SPAG16: variants seen among roughly 807,000 people sequenced by gnomAD.
SPAG16 encodes sperm associated antigen 16, also known as sperm-associated antigen 16 protein.
A neutral mutation model predicts 80.4 loss-of-function variants in SPAG16; 86 were observed. That is an observed-to-expected ratio of 1.07 (90% CI 0.90 to 1.28). The LOEUF (loss-of-function observed/expected upper bound fraction) is 1.28, where lower values mean the gene tolerates loss of function less well. Among genes scored for constraint, SPAG16 ranks in the 50% most tolerant of loss-of-function variants. SPAG16 has a pLI of 0.00. For synonymous variants in SPAG16, 294 were observed against 265.9 expected (o/e 1.11, Z -1.03); for missense variants, 870 against 765.3 (o/e 1.14, Z -1.61).
chr2:214,184,997 G>T (rs978862910), intron 15 of SPAG16, among the ~76,000 whole-genome samples: 3 of 151,800 alleles, frequency 2.0e-5, no homozygotes, highest in African/African-American at 7.3e-5. Context: ...TAGCAGCTGG[G>T]CCTTTTAGGA....
At chr2:213,999,853 T>G (rs2046704094) in intron 12 of SPAG16, among the ~76,000 whole-genome samples, 1 of 152,226 alleles carries the variant, frequency 6.6e-6, no homozygotes, top group Non-Finnish European at 1.5e-5. Context: ...GATTTCAGAC[T>G]TGCATGGGCC....
At chr2:213,980,712 G>GTATATA (rs1553686607) in intron 12 of SPAG16, among the ~76,000 whole-genome samples, 25 of 113,996 alleles carry the variant, frequency 2.2e-4, no homozygotes, top group Admixed American at 4.9e-4. Context: ...GTGTGTGTGT[G>GTATATA]TATATATATA....
intron 13 of SPAG16, among the ~76,000 whole-genome samples, chr2:214,043,921 C>T (rs1360684755): frequency 6.6e-6 from 1 of 151,852 alleles, no homozygotes; most frequent in African/African-American, 2.4e-5. Flanking sequence ...CCATATAAGT[C>T]CCTTATTATT....
intron 10 of SPAG16, among the ~76,000 whole-genome samples, chr2:213,836,320 T>C (rs2074078613): frequency 6.6e-6 from 1 of 152,116 alleles, no homozygotes; most frequent in South Asian, 2.1e-4. Context: ...TTTTACAAAG[T>C]TTTAAACTAA....
chr2:213,404,680 A>G (rs1036513567), intron 9 of SPAG16, among the ~76,000 whole-genome samples: 2 of 152,248 alleles, frequency 1.3e-5, no homozygotes, highest in Non-Finnish European at 2.9e-5. Context: ...ACCAAAAGCA[A>G]TGGCAACAAA....
At chr2:213,318,475 G>A (rs554260616) in intron 5 of SPAG16, among the ~76,000 whole-genome samples, 1 of 151,998 alleles carries the variant, frequency 6.6e-6, no homozygotes, top group Non-Finnish European at 1.5e-5. Context: ...ATATAGAATG[G>A]AATAATAGAT....
intron 12 of SPAG16, among the ~76,000 whole-genome samples, chr2:213,939,603 C>A (rs1274264174): frequency 6.6e-6 from 1 of 152,122 alleles, no homozygotes; most frequent in Non-Finnish European, 1.5e-5. Context: ...CATTAGGATT[C>A]TTTTCAGGTA....
At chr2:213,938,531 ATATT>A (rs2079077659) in intron 12 of SPAG16, among the ~76,000 whole-genome samples, 1 of 152,008 alleles carries the variant, frequency 6.6e-6, no homozygotes, top group African/African-American at 2.4e-5. Context: ...TTCAATCAAA[ATATT>A]TATTTATGTG....
chr2:213,980,016 C>T (rs1031935169), intron 12 of SPAG16, among the ~76,000 whole-genome samples: 2 of 151,654 alleles, frequency 1.3e-5, no homozygotes, highest in Admixed American at 6.6e-5. Flanking sequence ...ACATGTATGG[C>T]ATTGCCTATA....
intron 14 of SPAG16, among the ~76,000 whole-genome samples, chr2:214,139,151 G>A (rs1440951258): frequency 6.6e-6 from 1 of 151,996 alleles, no homozygotes; most frequent in Admixed American, 6.6e-5. Context: ...TTTATTTCTT[G>A]TATTTCTTTT....
At chr2:214,365,746 G>A (rs1157374171) in intron 15 of SPAG16, among the ~76,000 whole-genome samples, 4 of 151,968 alleles carry the variant, frequency 2.6e-5, no homozygotes, top group Admixed American at 2.6e-4. Context: ...AGGGTTGTAG[G>A]GAGAGATGAC....
chr2:213,713,050 C>T lies in SPAG16; in HGVS notation c.1071-149435C>T, dbSNP rs145436198. Among the ~76,000 whole-genome samples, 83 of 152,172 alleles carry T rather than the reference C, an allele frequency of 5.5e-4. 1 individual carries two copies. In the East Asian group the frequency reaches 8.9e-3, roughly 16 times the overall value. ...AGGGCGGCAGGAGAGAGAATGAGTG[C>T]CGAGCGCAGTGGGGGAAAGCCCCTC... On this transcript the variant is annotated intron_variant, in intron 10 of 15. Transcript: ENST00000331683.
At chr2:213,701,475 G>A (rs2065416940) in intron 10 of SPAG16, among the ~76,000 whole-genome samples, 1 of 152,162 alleles carries the variant, frequency 6.6e-6, no homozygotes, top group South Asian at 2.1e-4. Flanking sequence ...GAGTCCTTCA[G>A]CCCGCTGCTG....
At chr2:214,324,450 C>T (rs910216328) in intron 15 of SPAG16, among the ~76,000 whole-genome samples, 2 of 152,180 alleles carry the variant, frequency 1.3e-5, no homozygotes, top group African/African-American at 2.4e-5. Context: ...GATGCACATG[C>T]AAGATTTCCT....
At chr2:213,589,877 G>A (rs752626257) in intron 10 of SPAG16, among the ~76,000 whole-genome samples, 18 of 150,334 alleles carry the variant, frequency 1.2e-4, no homozygotes, top group Admixed American at 1.3e-4. Context: ...AGCCGAGATC[G>A]CGCCATTGCA....
rs774861988 is a variant in SPAG16, at chr2:214,149,225, T to A, written c.1679T>A (p.Ile560Lys). ...RKLLPIVSID[I>K]GPSPGNEVNF... ...CTGTTACCAATTGTGTCCATCGATA[T>A]AGGTCCAAGTCCTGGCAATGAGGTG... The change falls in exon 15 of 16, where the codon ATA becomes AAA. Residue 560 changes from isoleucine (I) to lysine (K), a missense_variant. Ile to Lys is a moderately radical substitution (Grantham distance 102, BLOSUM62 -3). Coordinates refer to ENST00000331683, the MANE Select transcript of SPAG16 (RefSeq NM_024532.5). 2 of 1,598,706 alleles carry A rather than the reference T, an allele frequency of 1.3e-6. No homozygotes were observed. The highest frequency in any genetic ancestry group is 2.2e-5 in the South Asian group (2 of 89,732).
intron 15 of SPAG16, among the ~76,000 whole-genome samples, chr2:214,169,743 CA>C (rs1186922415): frequency 1.3e-5 from 2 of 152,006 alleles, no homozygotes; most frequent in Non-Finnish European, 2.9e-5. Context: ...TTTAAACTTT[CA>C]GTTAAATGTG....
rs139212981 is a variant in SPAG16, at chr2:213,505,065, T to C, written c.1070+14975T>C. ...TAAGTACTGGCATTCATTCAAAATATCATTTGTATCAGTGACATTTTGGTA... is the reference window on the plus strand; with the variant it reads ...TAAGTACTGGCATTCATTCAAAATACCATTTGTATCAGTGACATTTTGGTA... On this transcript the variant is annotated intron_variant, in intron 10 of 15. Coordinates refer to ENST00000331683, the MANE Select transcript of SPAG16 (RefSeq NM_024532.5). Among the ~76,000 whole-genome samples, 9 of 152,358 alleles carry C rather than the reference T, an allele frequency of 5.9e-5. No homozygotes were observed. In the East Asian group the frequency reaches 1.5e-3, roughly 26 times the overall value.
intron 12 of SPAG16, among the ~76,000 whole-genome samples, chr2:213,956,794 A>T (rs1361581630): frequency 1.3e-5 from 2 of 151,940 alleles, no homozygotes; most frequent in East Asian, 3.9e-4. Flanking sequence ...TTTTCCCCTT[A>T]GCATGGCTTT....
Sources: allele counts gnomAD v4.1 joint callset (sites outside exome capture counted in the v4.1 genomes callset), GRCh38; gene constraint gnomAD v4.1.1; transcripts MANE v1.5; gene names NCBI Gene and HGNC (gene_info 2026-07-23, HGNC 2026-07-21).